The following CLDN14 variants were observed in gnomAD, a reference collection of about 807,000 sequenced individuals.
CLDN14 encodes claudin-14.
Under a neutral mutation model 2.1 loss-of-function variants are expected in CLDN14, and 2 were observed. That is an observed-to-expected ratio of 0.96 (90% CI 0.39 to 3.01). The LOEUF (loss-of-function observed/expected upper bound fraction) is 3.01, where lower values mean the gene tolerates loss of function less well. Ranked by LOEUF, CLDN14 falls within the 30% of genes most tolerant of loss-of-function variation. The probability of loss-of-function intolerance (pLI) is 0.09; values close to 1 mark genes in which losing one functional copy is unlikely to be tolerated. For missense variants in CLDN14, 298 were observed against 328.0 expected, an observed-to-expected ratio of 0.91 and a Z score of 0.71; for synonymous variants, 136 against 154.4, an observed-to-expected ratio of 0.88 and a Z score of 0.88.
At chr21:36,484,150 C>A (rs2086872703), upstream of CLDN14, among the ~76,000 whole-genome samples, 2 of 152,206 alleles carry the variant, frequency 1.3e-5, no homozygotes, top group Admixed American at 1.3e-4. Context: ...AAAAAATAGA[C>A]CCTTTCCTTA....
chr21:36,519,459 C>T (rs1179825450), intron 1 of CLDN14, among the ~76,000 whole-genome samples: 3 of 152,206 alleles, frequency 2.0e-5, no homozygotes, highest in Non-Finnish European at 4.4e-5. Flanking sequence ...TGCCTGTAAT[C>T]CCAGCACTTG....
intron 1 of CLDN14, among the ~76,000 whole-genome samples, chr21:36,533,481 G>C (rs2087397961): frequency 6.6e-6 from 1 of 152,180 alleles, no homozygotes; most frequent in Non-Finnish European, 1.5e-5. Context: ...GTTTAAAGTG[G>C]GGCGCGCCCA....
chr21:36,506,421 G>A (rs940440665), intron 2 of CLDN14, among the ~76,000 whole-genome samples: 5 of 151,894 alleles, frequency 3.3e-5, no homozygotes, highest in African/African-American at 1.2e-4. Context: ...GCATGGCAAA[G>A]CCCCATCTGT....
intron 2 of CLDN14, among the ~76,000 whole-genome samples, chr21:36,489,423 C>T (rs536253138): frequency 1.3e-5 from 2 of 152,238 alleles, no homozygotes; most frequent in East Asian, 1.9e-4. Context: ...TCCATGCCCA[C>T]CCCAGGAGGA....
At chr21:36,560,768 C>T (rs552978691) in intron 1 of CLDN14, among the ~76,000 whole-genome samples, 1 of 152,136 alleles carries the variant, frequency 6.6e-6, no homozygotes, top group East Asian at 1.9e-4. Flanking sequence ...GAAAATGTTG[C>T]TCTTTATTTT....
chr21:36,474,984 G>A (rs954118379), intron 1 of CLDN14, among the ~76,000 whole-genome samples: 2 of 152,202 alleles, frequency 1.3e-5, no homozygotes, highest in Non-Finnish European at 2.9e-5. Context: ...GGAGATGGGG[G>A]AGGAGGTGCG....
intron 1 of CLDN14, chr21:36,542,458 C>T (rs1215749096): frequency 1.3e-5 from 2 of 152,216 alleles, no homozygotes; most frequent in Admixed American, 6.5e-5. Context: ...GACTGACGGC[C>T]GGGGAGCCCC....
At chr21:36,512,227 C>T (rs1278719995) in intron 1 of CLDN14, among the ~76,000 whole-genome samples, 1 of 152,094 alleles carries the variant, frequency 6.6e-6, no homozygotes, top group African/African-American at 2.4e-5. Flanking sequence ...ACAACTCTCC[C>T]ATGTTAGGAG....
intron 1 of CLDN14, among the ~76,000 whole-genome samples, chr21:36,465,476 C>T (rs771340692): frequency 6.6e-6 from 1 of 152,230 alleles, no homozygotes; most frequent in Non-Finnish European, 1.5e-5. Context: ...AGCTCCCCAA[C>T]CTGCTTTCCT....
At chr21:36,563,624 A>G (rs1601638444) in intron 1 of CLDN14, among the ~76,000 whole-genome samples, 1 of 152,156 alleles carries the variant, frequency 6.6e-6, no homozygotes, top group East Asian at 1.9e-4. Context: ...TTAAAGAGGA[A>G]TTTTTCCCCT....
intron 1 of CLDN14, among the ~76,000 whole-genome samples, chr21:36,473,027 C>T (rs2086730174): frequency 6.6e-6 from 1 of 152,230 alleles, no homozygotes; most frequent in Non-Finnish European, 1.5e-5. Context: ...TTATTTCCAA[C>T]ATCAGCCCTT....
intron 1 of CLDN14, among the ~76,000 whole-genome samples, chr21:36,475,390 G>C (rs2086764747): frequency 2.0e-5 from 3 of 152,192 alleles, no homozygotes; most frequent in African/African-American, 7.2e-5. Flanking sequence ...CCACCCTCCT[G>C]CTGTAGCCGC....
At chr21:36,528,213 T>C (rs188133712) in intron 1 of CLDN14, among the ~76,000 whole-genome samples, 3 of 152,328 alleles carry the variant, frequency 2.0e-5, no homozygotes, top group East Asian at 1.9e-4. Context: ...ATTAATAAGG[T>C]ATGAATAATT....
chr21:36,483,819 TG>T (rs2146453054), upstream of CLDN14, among the ~76,000 whole-genome samples: 1 of 152,300 alleles, frequency 6.6e-6, no homozygotes, highest in South Asian at 2.1e-4. Context: ...GCATTGACAA[TG>T]GCACTATTTG....
chr21:36,492,765 A>G (rs760008567), intron 2 of CLDN14, among the ~76,000 whole-genome samples: 19 of 152,232 alleles, frequency 1.2e-4, no homozygotes, highest in Non-Finnish European at 2.6e-4. Flanking sequence ...GGATGATGCG[A>G]CTACAAGCCA....
intron 1 of CLDN14, among the ~76,000 whole-genome samples, chr21:36,555,697 C>G (rs2087593764): frequency 6.6e-6 from 1 of 152,082 alleles, no homozygotes; most frequent in Non-Finnish European, 1.5e-5. Context: ...CCAAAGATGT[C>G]TAGGTCCCAC....
chr21:36,476,399 T>C (rs770035370), intron 1 of CLDN14, among the ~76,000 whole-genome samples: 22 of 152,228 alleles, frequency 1.4e-4, no homozygotes, highest in Admixed American at 5.2e-4. Context: ...GCCTCCCTCA[T>C]TGTTAATCTT....
chr21:36,478,201 CT>C (rs1476017037), intron 1 of CLDN14, among the ~76,000 whole-genome samples: 1 of 152,110 alleles, frequency 6.6e-6, no homozygotes, highest in African/African-American at 2.4e-5. Context: ...ACGTGTCTTC[CT>C]TTTTATAGAT....
chr21:36,527,907 C>A (rs2087347005), intron 1 of CLDN14, among the ~76,000 whole-genome samples: 1 of 151,994 alleles, frequency 6.6e-6, no homozygotes, highest in South Asian at 2.1e-4. Context: ...TTGGTCAAGT[C>A]CCTAGATGTC....
Sources: allele counts gnomAD v4.1 joint callset (sites outside exome capture counted in the v4.1 genomes callset), GRCh38; gene constraint gnomAD v4.1.1; transcripts MANE v1.5; gene names NCBI Gene and HGNC (gene_info 2026-07-23, HGNC 2026-07-21).